CAMTA1: variants seen among roughly 807,000 people sequenced by gnomAD.
CAMTA1 encodes the protein calmodulin-binding transcription activator 1.
In CAMTA1, 27 loss-of-function variants were observed where a neutral mutation model predicts 170.9. That is an observed-to-expected ratio of 0.16 (90% confidence interval 0.12 to 0.22). The LOEUF (loss-of-function observed/expected upper bound fraction) is 0.22, where lower values mean the gene tolerates loss of function less well. CAMTA1 is among the 10% of genes least tolerant of loss of function. The probability of loss-of-function intolerance (pLI) is 1.00; values close to 1 mark genes in which losing one functional copy is unlikely to be tolerated. For synonymous variants in CAMTA1, 833 were observed against 891.5 expected (o/e 0.93, Z 1.17); for missense variants, 1,619 against 2,217.2 (o/e 0.73, Z 5.42).
chr1:7,438,138 G>A (rs988512102), intron 5 of CAMTA1, among the ~76,000 whole-genome samples: 23 of 152,106 alleles, frequency 1.5e-4, no homozygotes, highest in African/African-American at 4.1e-4. Flanking sequence ...GCTGGGTGGT[G>A]TTGGGGGAAT....
In CAMTA1 at chr1:7,113,598, T is replaced by C. The variant is rs1368443166; in HGVS notation, c.302+22227T>C. On this transcript the variant is annotated intron_variant, in intron 4 of 22. Coordinates refer to ENST00000303635, the MANE Select transcript of CAMTA1 (RefSeq NM_015215.4). The surrounding 1 kb of genome is among the most constrained non-coding windows in gnomAD (Gnocchi z 4.5). ...TTCACATCATAAGAGAGTTAAAGAGTTTGTGGCATTTTAAATGCTTTATAG... is the reference window on the plus strand; with the variant it reads ...TTCACATCATAAGAGAGTTAAAGAGCTTGTGGCATTTTAAATGCTTTATAG... 6.6e-6 allele frequency among the ~76,000 whole-genome samples: 1 copy of C among 152,104 alleles called. No homozygotes were observed. Among genetic ancestry groups the C allele is most frequent in the Non-Finnish European group, 1.5e-5 (1 of 68,010 alleles).
intron 11 of CAMTA1, among the ~76,000 whole-genome samples, chr1:7,708,626 C>T (rs907273296): frequency 6.6e-6 from 1 of 152,192 alleles, no homozygotes; most frequent in Admixed American, 6.5e-5. Context: ...CTGTAATTTG[C>T]TTAATTTTAT....
At position 7,091,366 on chromosome 1, in the gene CAMTA1, G is replaced by C; in HGVS notation, c.297G>C (p.Lys99Asn). 6.2e-7 allele frequency: 1 copy of C among 1,611,196 alleles called. No individual in the cohort carries two copies. Among genetic ancestry groups the C allele is most frequent in the South Asian group, 1.1e-5 (1 of 90,986 alleles). ...KHEEWLTTSP[K>N]TRPQNGSMIL... is the part of the protein sequence containing the mutation. The stretch of plus-strand genomic sequence containing the variant: ...AAGAATGGCTAACCACCTCCCCTAA[G>C]ACAAGGTAATGTCCCAGATCTTGCA... The change falls in exon 4 of 23, where the codon AAG becomes AAC. Residue 99 changes from lysine (K) to asparagine (N), a missense_variant. Coordinates refer to ENST00000303635, the MANE Select transcript of CAMTA1 (RefSeq NM_015215.4).
At chr1:7,003,858 TGA>T (rs1377370104) in intron 3 of CAMTA1, among the ~76,000 whole-genome samples, 1 of 152,206 alleles carries the variant, frequency 6.6e-6, no homozygotes, top group Admixed American at 6.5e-5. Context: ...ATAGGAGTTG[TGA>T]GAGGTGGGTC....
chr1:7,222,168 TG>T (rs1660911449), intron 4 of CAMTA1, among the ~76,000 whole-genome samples: 1 of 152,176 alleles, frequency 6.6e-6, no homozygotes, highest in African/African-American at 2.4e-5. Flanking sequence ...TGAAACACTT[TG>T]GGGCCATCAG....
At chr1:7,108,574 A>G (rs1643833455) in intron 4 of CAMTA1, among the ~76,000 whole-genome samples, 1 of 152,204 alleles carries the variant, frequency 6.6e-6, no homozygotes, top group African/African-American at 2.4e-5. Context: ...TCAGAGAGGA[A>G]ATAGGGGAGA....
chr1:6,996,558 T>G (rs902292829), intron 3 of CAMTA1, among the ~76,000 whole-genome samples: 2 of 152,186 alleles, frequency 1.3e-5, no homozygotes, highest in African/African-American at 2.4e-5. Flanking sequence ...CCCTTTCATT[T>G]TCTAGCTGCT....
intron 3 of CAMTA1, among the ~76,000 whole-genome samples, chr1:6,940,356 G>A (rs755887482): frequency 2.6e-5 from 4 of 152,196 alleles, no homozygotes; most frequent in Non-Finnish European, 5.9e-5. Context: ...CCAGCAGGCA[G>A]GCAGAGAGAG....
chr1:7,132,540 A>G (rs1645323555), intron 4 of CAMTA1, among the ~76,000 whole-genome samples: 1 of 152,172 alleles, frequency 6.6e-6, no homozygotes, highest in Non-Finnish European at 1.5e-5. Flanking sequence ...AGAAGTGAAA[A>G]TAGAACAAAG....
At chr1:6,885,401 A>G (rs1272220968) in intron 3 of CAMTA1, among the ~76,000 whole-genome samples, 1 of 152,212 alleles carries the variant, frequency 6.6e-6, no homozygotes, top group Non-Finnish European at 1.5e-5. Flanking sequence ...CATTTAAAAA[A>G]TTATTTTCTA....
Position 7,560,800 on chromosome 1 carries a change from G to C in CAMTA1, c.511-79600G>C, listed in dbSNP as rs79857620. On this transcript the variant is annotated intron_variant, in intron 6 of 22. Coordinates refer to ENST00000303635, the MANE Select transcript of CAMTA1 (RefSeq NM_015215.4). ...AGAGCATCATGAGAACATGGGACTC[G>C]GGGCAGGCACTCAGGTGGGGAAGAG... Among the ~76,000 whole-genome samples the C allele has an allele frequency of 5.1e-3, 773 of 152,042 alleles. 8 individuals carry two copies. The highest frequency in any genetic ancestry group is 0.018 in the African/African-American group (729 of 41,462).
At chr1:7,540,177 G>A (rs572063623) in intron 6 of CAMTA1, among the ~76,000 whole-genome samples, 1 of 152,334 alleles carries the variant, frequency 6.6e-6, no homozygotes, top group African/African-American at 2.4e-5. Flanking sequence ...AATGGGGACA[G>A]TGCTGGTGCA....
chr1:7,331,319 C>T (rs913796482), intron 5 of CAMTA1, among the ~76,000 whole-genome samples: 5 of 152,176 alleles, frequency 3.3e-5, no homozygotes, highest in African/African-American at 9.7e-5. Context: ...GGGCCATCAT[C>T]GGTTTGGCCA....
At chr1:6,892,607 T>A (rs1393839665) in intron 3 of CAMTA1, among the ~76,000 whole-genome samples, 1 of 151,400 alleles carries the variant, frequency 6.6e-6, no homozygotes, top group Non-Finnish European at 1.5e-5. Flanking sequence ...CTTTTTTTTT[T>A]TTTTTTTGCA....
intron 6 of CAMTA1, among the ~76,000 whole-genome samples, chr1:7,491,401 G>A (rs556936491): frequency 6.6e-6 from 1 of 152,260 alleles, no homozygotes; most frequent in South Asian, 2.1e-4. Context: ...TCTGGAAAAG[G>A]CCAAAACTAA....
At chr1:7,232,931 A>G (rs1423741929) in intron 4 of CAMTA1, among the ~76,000 whole-genome samples, 1 of 151,396 alleles carries the variant, frequency 6.6e-6, no homozygotes, top group Non-Finnish European at 1.5e-5. Flanking sequence ...GGAGAAGAGC[A>G]AACTCCCTCC....
intron 3 of CAMTA1, among the ~76,000 whole-genome samples, chr1:7,030,874 G>T (rs1487047371): frequency 1.3e-5 from 2 of 149,746 alleles, no homozygotes; most frequent in Non-Finnish European, 3.0e-5. Context: ...TTGCTCTGTT[G>T]CCCAGGCTGG....
chr1:7,131,187 C>G (rs964739797), intron 4 of CAMTA1, among the ~76,000 whole-genome samples: 1 of 152,170 alleles, frequency 6.6e-6, no homozygotes, highest in East Asian at 1.9e-4. Flanking sequence ...CTCTTGACCT[C>G]GTGATCCACC....
At chr1:7,424,830 C>A (rs1227108801) in intron 5 of CAMTA1, among the ~76,000 whole-genome samples, 1 of 152,024 alleles carries the variant, frequency 6.6e-6, no homozygotes, top group Non-Finnish European at 1.5e-5. Flanking sequence ...CCATCCCTGT[C>A]CCTAAAAACC....
Sources: gnomAD v4.1 joint callset for allele counts (sites outside exome capture counted in the v4.1 genomes callset) on GRCh38, gnomAD v4.1.1 for gene constraint, Gnocchi (gnomAD v3.1) non-coding constraint, MANE v1.5 for transcripts, NCBI Gene and HGNC (gene_info 2026-07-23, HGNC 2026-07-21) for gene names.